Variants in EYS observed in about 807,000 individuals in gnomAD.
EYS encodes the protein protein eyes shut homolog.
EYS carries 250 observed loss-of-function variants against 282.1 expected under a neutral mutation model. The ratio of observed to expected loss-of-function variants is 0.89; its 90% CI spans 0.80 to 0.98. EYS has a LOEUF of 0.98. EYS is among the 50% of genes least tolerant of loss of function. EYS has a pLI of 0.00. For missense variants in EYS, 4,016 were observed against 3,709.0 expected, an observed-to-expected ratio of 1.08 and a Z score of -2.15; for synonymous variants, 1,355 against 1,282.9, an observed-to-expected ratio of 1.06 and a Z score of -1.20.
chr6:65,295,646 T>A, intron 12 of EYS: 1 of 547,478 alleles, frequency 1.8e-6, no homozygotes, highest in South Asian at 2.3e-5. Context: ...ATTAGTCTTA[T>A]TTGCATGAGC....
chr6:65,256,107 C>T (rs1767453113), intron 12 of EYS, among the ~76,000 whole-genome samples: 1 of 151,934 alleles, frequency 6.6e-6, no homozygotes, highest in Admixed American at 6.6e-5. Flanking sequence ...GCATGTCCAT[C>T]AACAGATGAG....
At chr6:65,506,781 T>C (rs577888660) in intron 2 of EYS, among the ~76,000 whole-genome samples, 1 of 152,168 alleles carries the variant, frequency 6.6e-6, no homozygotes, top group Admixed American at 6.5e-5. Context: ...CACAATATCC[T>C]TTTTTAACTA....
At chr6:64,338,765 G>T (rs1447882569) in intron 29 of EYS, among the ~76,000 whole-genome samples, 1 of 151,962 alleles carries the variant, frequency 6.6e-6, no homozygotes, top group Non-Finnish European at 1.5e-5. Context: ...GAAACAGCAT[G>T]GTACTAGTAT....
At position 64,019,728 on chromosome 6, in the gene EYS, T is replaced by A. The variant is rs535967233; in HGVS notation, c.6726-20545A>T. 5.3e-5 allele frequency among the ~76,000 whole-genome samples: 8 copies of A among 151,834 alleles called. No homozygotes were observed. In the East Asian group the frequency reaches 1.5e-3, roughly 29 times the overall value. On this transcript the variant is annotated intron_variant, in intron 33 of 42. Coordinates refer to ENST00000503581, the MANE Select transcript of EYS (RefSeq NM_001142800.2). ...TCAGCCTCGTTCTTTCTTTTTTAAA[T>A]GAAGTAATGTTAAAAATAAGAAGCA...
At chr6:64,809,154 C>T (rs1312213345) in intron 22 of EYS, among the ~76,000 whole-genome samples, 1 of 152,054 alleles carries the variant, frequency 6.6e-6, no homozygotes, top group East Asian at 1.9e-4. Context: ...AAGTGGTCTT[C>T]GGCTATATCT....
chr6:64,270,151 C>G (rs1359425270), intron 30 of EYS, among the ~76,000 whole-genome samples: 1 of 152,124 alleles, frequency 6.6e-6, no homozygotes, highest in African/African-American at 2.4e-5. Context: ...ATTTTCAATT[C>G]AACCATTTTT....
rs145099497 is a variant in EYS at position 63,785,258 on chromosome 6, A to G, written c.7723+2847T>C. On this transcript the variant is annotated intron_variant, in intron 39 of 42. Transcript: ENST00000503581. ...CTGCCTTTAGCACAATTAACAGCTC[A>G]GCAAGATTATCTACAGGCAACAGAA... Among the ~76,000 whole-genome samples the G allele has an allele frequency of 1.1e-3, 172 of 152,364 alleles. 1 individual carries two copies. In the East Asian group the frequency reaches 0.014, roughly 12 times the overall value.
intron 13 of EYS, among the ~76,000 whole-genome samples, chr6:65,043,643 A>G (rs1403372630): frequency 6.6e-6 from 1 of 151,328 alleles, no homozygotes; most frequent in Non-Finnish European, 1.5e-5. Context: ...ATTATTTGGT[A>G]CTTTTCTTTC....
At chr6:64,656,358 A>G (rs1168823734) in intron 22 of EYS, among the ~76,000 whole-genome samples, 1 of 152,108 alleles carries the variant, frequency 6.6e-6, no homozygotes, top group Admixed American at 6.6e-5. Context: ...GGCTTAACTC[A>G]GGCACATATT....
chr6:65,694,760 T>C (rs1194468984), intron 1 of EYS, among the ~76,000 whole-genome samples: 1 of 134,818 alleles, frequency 7.4e-6, no homozygotes, highest in Non-Finnish European at 1.6e-5. Context: ...AAAAAAAAAC[T>C]TTGTAAAACC....
intron 18 of EYS, among the ~76,000 whole-genome samples, chr6:64,890,051 C>A (rs1275742727): frequency 6.7e-6 from 1 of 149,854 alleles, no homozygotes; most frequent in Non-Finnish European, 1.5e-5. Flanking sequence ...AAATGCCCCC[C>A]CCCCCCAAGG....
chr6:64,866,633 C>A (rs1363654796), intron 19 of EYS, among the ~76,000 whole-genome samples: 1 of 133,818 alleles, frequency 7.5e-6, no homozygotes, highest in Non-Finnish European at 1.6e-5. Context: ...ATCATTCCTG[C>A]TATTAGAGTT....
chr6:64,826,311 C>T (rs2150025155), intron 19 of EYS, among the ~76,000 whole-genome samples: 1 of 151,982 alleles, frequency 6.6e-6, no homozygotes, highest in South Asian at 2.1e-4. Context: ...ATTGTTCTTT[C>T]CACCTACCCT....
intron 22 of EYS, among the ~76,000 whole-genome samples, chr6:64,797,140 G>A (rs1774378013): frequency 6.6e-6 from 1 of 152,058 alleles, no homozygotes; most frequent in South Asian, 2.1e-4. Flanking sequence ...AATAACAAAT[G>A]TTGTGACATA....
In EYS at chr6:64,306,987, A is replaced by C. The variant is rs1769471082; in HGVS notation, c.6174T>G (p.Tyr2058Ter). The C allele has an allele frequency of 1.3e-6, 2 of 1,508,318 alleles. No individual in the cohort carries two copies. The highest frequency in any genetic ancestry group is 1.8e-6 in the Non-Finnish European group (2 of 1,109,898). The allele number at this position is 1,508,318 out of a possible 1,614,324, so 93.4% of individuals were successfully genotyped here. A position where few individuals can be genotyped will look rare whatever the true frequency, so the allele number is the denominator to read the frequency against. ...TATTTTACCTGCAATTGTTAATGTG[A>C]TAGTTTTTCACTGCCTTGGATGGAA... is the stretch of plus-strand genomic sequence containing the variant. ...SFIPSKAVKN[Y>*]HINNCRSQGF... Residue 2058 changes from tyrosine (Y) to a stop codon, truncating the protein, a stop_gained, in exon 30 of 43, where the codon TAT becomes TAG. Coordinates refer to ENST00000503581, the MANE Select transcript of EYS (RefSeq NM_001142800.2). LOFTEE classifies it high-confidence loss of function.
intron 22 of EYS, among the ~76,000 whole-genome samples, chr6:64,634,175 G>A (rs987200479): frequency 1.3e-5 from 2 of 152,084 alleles, no homozygotes; most frequent in African/African-American, 4.8e-5. Flanking sequence ...GTAAACACAG[G>A]GTTTACCCAT....
At chr6:64,770,302 G>C (rs1421762422) in intron 22 of EYS, among the ~76,000 whole-genome samples, 1 of 151,884 alleles carries the variant, frequency 6.6e-6, no homozygotes, top group Non-Finnish European at 1.5e-5. Context: ...GAAATGAAAA[G>C]TTATTGTTTT....
rs576990852 is a variant in EYS at position 64,629,578 on chromosome 6, A to T, written c.3444-3333T>A. 6.6e-5 allele frequency among the ~76,000 whole-genome samples: 10 copies of T among 152,176 alleles called. No individual in the cohort carries two copies. The South Asian group carries it at 1.0e-3, about 16-fold the overall frequency. On this transcript the variant is annotated intron_variant, in intron 22 of 42. Coordinates refer to ENST00000503581, the MANE Select transcript of EYS (RefSeq NM_001142800.2). ...ATATTTTATAGTTTTCTACACAGAG[A>T]TATTATAAATATTTTATTAGATTTA...
At chr6:64,654,486 G>A (rs563695175) in intron 22 of EYS, among the ~76,000 whole-genome samples, 2 of 152,312 alleles carry the variant, frequency 1.3e-5, no homozygotes, top group East Asian at 3.9e-4. Flanking sequence ...TCAAAGGTGA[G>A]AAAATGCCCT....
Sources: gnomAD v4.1 joint callset for allele counts (sites outside exome capture counted in the v4.1 genomes callset) on GRCh38, gnomAD v4.1.1 for gene constraint, MANE v1.5 for transcripts, NCBI Gene and HGNC (gene_info 2026-07-23, HGNC 2026-07-21) for gene names.